Variants in DLG2 observed in about 807,000 individuals in gnomAD.
DLG2 encodes discs large MAGUK scaffold protein 2.
In DLG2, 45 loss-of-function variants were observed where a neutral mutation model predicts 132.5. That is an observed-to-expected ratio of 0.34 (90% CI 0.27 to 0.44). DLG2 has a LOEUF of 0.44. DLG2 is among the 20% of genes least tolerant of loss of function. The pLI, the probability that DLG2 is intolerant of heterozygous loss-of-function variation, is 1.00. For missense variants in DLG2, 1,045 were observed against 1,196.9 expected (o/e 0.87, Z 1.87); for synonymous variants, 424 against 419.6 (o/e 1.01, Z -0.13).
intron 18 of DLG2, among the ~76,000 whole-genome samples, chr11:83,759,935 T>C (rs2093827943): frequency 6.6e-6 from 1 of 152,222 alleles, no homozygotes; most frequent in Non-Finnish European, 1.5e-5. Flanking sequence ...AAACGGAATC[T>C]TGAAGCTCCC....
At chr11:84,288,172 A>T (rs1015957383) in intron 7 of DLG2, among the ~76,000 whole-genome samples, 2 of 152,022 alleles carry the variant, frequency 1.3e-5, no homozygotes, top group African/African-American at 4.8e-5. Context: ...AGTTAATATC[A>T]CCAAGCTTTA....
At chr11:85,628,172 G>A (rs920720352), upstream of DLG2, among the ~76,000 whole-genome samples, 14 of 152,158 alleles carry the variant, frequency 9.2e-5, no homozygotes, top group Non-Finnish European at 1.5e-4. Flanking sequence ...GGAGGTGCCC[G>A]AGAAACAGAG....
chr11:84,977,390 C>T (rs886819628), intron 6 of DLG2, among the ~76,000 whole-genome samples: 1 of 152,080 alleles, frequency 6.6e-6, no homozygotes, highest in Non-Finnish European at 1.5e-5. Context: ...CTTCATGACC[C>T]CTTTGAGCTT....
intron 2 of DLG2, among the ~76,000 whole-genome samples, chr11:85,619,443 T>C (rs546561368): frequency 1.5e-4 from 23 of 152,310 alleles, no homozygotes; most frequent in African/African-American, 5.5e-4. Flanking sequence ...AAAACTGTGT[T>C]TTCCCATCTT....
chr11:84,420,963 C>T (rs937244087), intron 7 of DLG2, among the ~76,000 whole-genome samples: 1 of 152,048 alleles, frequency 6.6e-6, no homozygotes, highest in Non-Finnish European at 1.5e-5. Context: ...CCACCGCGCC[C>T]GGCCCCAATG....
At chr11:83,633,783 A>ACACACACAC (rs1566161363) in intron 18 of DLG2, among the ~76,000 whole-genome samples, 3 of 102,086 alleles carry the variant, frequency 2.9e-5, no homozygotes, top group South Asian at 3.2e-4. Context: ...CACACACACA[A>ACACACACAC]CTGCGGAAAA....
At chr11:85,050,407 C>G (rs2062782384) in intron 6 of DLG2, among the ~76,000 whole-genome samples, 2 of 152,008 alleles carry the variant, frequency 1.3e-5, no homozygotes, top group Non-Finnish European at 2.9e-5. Context: ...TAGGCCTTAC[C>G]TAGGCTTTCC....
At chr11:83,622,391 C>G (rs1213836356) in intron 19 of DLG2, among the ~76,000 whole-genome samples, 1 of 152,182 alleles carries the variant, frequency 6.6e-6, no homozygotes, top group African/African-American at 2.4e-5. Flanking sequence ...TAGAATCTAT[C>G]CTGGAACAAG....
intron 8 of DLG2, among the ~76,000 whole-genome samples, chr11:84,165,690 G>C (rs1242301403): frequency 6.6e-6 from 1 of 152,048 alleles, no homozygotes. Context: ...ACAAAATCAG[G>C]AGTTCGAGAC....
At chr11:85,151,908 AG>A (rs2152455137) in intron 5 of DLG2, among the ~76,000 whole-genome samples, 1 of 152,334 alleles carries the variant, frequency 6.6e-6, no homozygotes, top group East Asian at 1.9e-4. Flanking sequence ...GATCATGGGA[AG>A]CATTTAATGT....
chr11:84,863,648 T>C (rs576988244), intron 6 of DLG2, among the ~76,000 whole-genome samples: 1 of 152,156 alleles, frequency 6.6e-6, no homozygotes, highest in South Asian at 2.1e-4. Flanking sequence ...CAAATGGGCT[T>C]CCATGGAAGA....
At chr11:84,852,487 GA>G (rs1376247928) in intron 6 of DLG2, among the ~76,000 whole-genome samples, 2 of 151,946 alleles carry the variant, frequency 1.3e-5, no homozygotes, top group Admixed American at 6.6e-5. Flanking sequence ...TATTAGGAAA[GA>G]ATGTCACCGG....
At chr11:84,522,028 C>G (rs1324102732) in intron 7 of DLG2, among the ~76,000 whole-genome samples, 1 of 151,886 alleles carries the variant, frequency 6.6e-6, no homozygotes, top group African/African-American at 2.4e-5. Flanking sequence ...ATGAGTTGGG[C>G]GTGGTGGCAC....
chr11:84,484,177 C>A (rs935721527), intron 7 of DLG2, among the ~76,000 whole-genome samples: 2 of 152,044 alleles, frequency 1.3e-5, no homozygotes, highest in African/African-American at 2.4e-5. Flanking sequence ...TTAGGTATAG[C>A]AAGTAAATAG....
chr11:84,785,853 A>G (rs1258701144), intron 6 of DLG2, among the ~76,000 whole-genome samples: 1 of 152,000 alleles, frequency 6.6e-6, no homozygotes, highest in African/African-American at 2.4e-5. Flanking sequence ...ATGACACTCC[A>G]TATCTTGGTG....
intron 3 of DLG2, among the ~76,000 whole-genome samples, chr11:85,575,165 A>G (rs1565705562): frequency 6.6e-6 from 1 of 151,708 alleles, no homozygotes; most frequent in East Asian, 1.9e-4. Context: ...AAAAAAAAAA[A>G]TCTTTATAAT....
chr11:84,474,761 G>T (rs2099117187), intron 7 of DLG2, among the ~76,000 whole-genome samples: 1 of 151,982 alleles, frequency 6.6e-6, no homozygotes, highest in African/African-American at 2.4e-5. Flanking sequence ...ACAGTAAATT[G>T]TTTAAGTCCA....
intron 3 of DLG2, among the ~76,000 whole-genome samples, chr11:85,565,077 C>T (rs1402890374): frequency 6.6e-6 from 1 of 151,912 alleles, no homozygotes; most frequent in Non-Finnish European, 1.5e-5. Context: ...ATCTTGTATC[C>T]TGTGATGTTT....
chr11:85,420,392 C>A (rs1012964261), intron 3 of DLG2, among the ~76,000 whole-genome samples: 2 of 152,152 alleles, frequency 1.3e-5, no homozygotes, highest in African/African-American at 2.4e-5. Flanking sequence ...AGGTGTCTCC[C>A]AGTTAGGAAT....
Sources: gnomAD v4.1 joint callset for allele counts (sites outside exome capture counted in the v4.1 genomes callset) on GRCh38, gnomAD v4.1.1 for gene constraint, MANE v1.5 for transcripts, NCBI Gene and HGNC (gene_info 2026-07-23, HGNC 2026-07-21) for gene names.